TMCC2: variants seen among roughly 807,000 people sequenced by gnomAD.
TMCC2 encodes transmembrane and coiled-coil domains protein 2.
Under a neutral mutation model 49.4 loss-of-function variants are expected in TMCC2, and 16 were observed. The observed-to-expected ratio is 0.32, with a 90% CI of 0.22 to 0.49. The LOEUF (loss-of-function observed/expected upper bound fraction) is 0.49. TMCC2 is among the 20% of genes least tolerant of loss of function. The pLI, the probability that TMCC2 is intolerant of heterozygous loss-of-function variation, is 0.99. For missense variants in TMCC2, 762 were observed against 989.8 expected, an observed-to-expected ratio of 0.77 and a Z score of 3.09; for synonymous variants, 397 against 434.1, an observed-to-expected ratio of 0.91 and a Z score of 1.06.
In TMCC2 at chr1:205,264,666, ATTGT is replaced by A. The variant is rs1395376540; in HGVS notation, c.748-4282_748-4279del. On this transcript the variant is annotated intron_variant, in intron 2 of 4. Transcript: ENST00000358024. The surrounding 1 kb of genome is among the most constrained non-coding windows in gnomAD (Gnocchi z 4.2). ...CATCCCACACCCAGCTAATTTTTGT[ATTGT>A]TAGTAGAGACAGGGTTTCACCATGT... is the stretch of plus-strand genomic sequence containing the variant. Among the ~76,000 whole-genome samples the A allele has an allele frequency of 6.6e-6, 1 of 151,804 alleles. No individual in the cohort carries two copies. Among genetic ancestry groups the A allele is most frequent in the East Asian group, 1.9e-4 (1 of 5,162 alleles).
Position 205,271,920 on chromosome 1 carries a change from G to A in TMCC2, c.1926G>A (p.Leu642=), listed in dbSNP as rs376184025. The change falls in exon 5 of 5, where the codon CTG becomes CTA. Residue 642 remains leucine (L), a synonymous_variant. Transcript: ENST00000358024. ...TGGAGAATGCCAACGCGCGGGCGCT[G>A]CTGGGCAAGTTCATCAACGTGATCC... is the stretch of plus-strand genomic sequence containing the variant. The part of the protein sequence containing the change: ...EGVENANARA[L]LGKFINVILA... 5 of 1,614,212 alleles carry A rather than the reference G, an allele frequency of 3.1e-6. No homozygotes were observed. Among genetic ancestry groups the A allele is most frequent in the Non-Finnish European group, 3.4e-6 (4 of 1,180,040 alleles).
intron 1 of TMCC2, chr1:205,230,053 G>A: frequency 1.0e-6 from 1 of 985,438 alleles, no homozygotes; most frequent in South Asian, 4.7e-5. Flanking sequence ...AAAGGACTCT[G>A]TTGCATTTAA....
chr1:205,257,047 C>A, intron 2 of TMCC2: 1 of 621,376 alleles, frequency 1.6e-6, no homozygotes, highest in Non-Finnish European at 2.2e-6. Flanking sequence ...AACAGCTGGA[C>A]TTGTGGAGGG....
At chr1:205,259,294 G>T (rs1487832107) in intron 2 of TMCC2, among the ~76,000 whole-genome samples, 1 of 99,658 alleles carries the variant, frequency 1.0e-5, no homozygotes, top group Non-Finnish European at 2.2e-5. Flanking sequence ...AGCCTGCTGT[G>T]GGGACCCTAA....
chr1:205,240,402 A>G (rs1078362), intron 1 of TMCC2, among the ~76,000 whole-genome samples: 72,773 of 152,172 alleles, frequency 0.48, 20,090 homozygotes, highest in Non-Finnish European at 0.61. Context: ...TATGCTTTGG[A>G]TCTAAGGGGA....
chr1:205,233,973 T>A (rs1659919358), intron 1 of TMCC2: 1 of 152,084 alleles, frequency 6.6e-6, no homozygotes, highest in African/African-American at 2.4e-5. Context: ...TGAAGATATG[T>A]ACGTTCCCTG....
intron 1 of TMCC2, among the ~76,000 whole-genome samples, chr1:205,234,740 G>C (rs956457264): frequency 6.6e-6 from 1 of 151,684 alleles, no homozygotes; most frequent in African/African-American, 2.4e-5. Flanking sequence ...GCTCACTGCA[G>C]CTTCTGCCTC....
chr1:205,266,108 G>A (rs1490066200), intron 2 of TMCC2, among the ~76,000 whole-genome samples: 1 of 151,198 alleles, frequency 6.6e-6, no homozygotes, highest in Non-Finnish European at 1.5e-5. Flanking sequence ...GGGCATGGTG[G>A]CAGGCGCCTG....
At position 205,272,109 on chromosome 1, in the gene TMCC2, G is replaced by A. The variant is rs967423501; in HGVS notation, c.2115G>A (p.Val705=). 2 of 1,612,356 alleles carry A rather than the reference G, an allele frequency of 1.2e-6. No individual in the cohort carries two copies. The highest frequency in any genetic ancestry group is 2.7e-5 in the African/African-American group (2 of 75,018). Residue 705 remains valine, a synonymous_variant, in exon 5 of 5, where the codon GTG becomes GTA. Coordinates refer to ENST00000358024, the MANE Select transcript of TMCC2 (RefSeq NM_014858.4). ...WDSLTYLLEH[V]LLPS ...CCCTCACCTACCTCCTGGAGCACGT[G>A]TTGCTGCCCAGCTGAGTGGCCAGCC...
rs751531683 is a variant in TMCC2, at chr1:205,241,518, T to C, written c.221T>C (p.Leu74Pro). The C allele has an allele frequency of 1.6e-5, 26 of 1,613,456 alleles. No individual in the cohort carries two copies. In the Admixed American group the frequency reaches 4.3e-4, roughly 27 times the overall value. Residue 74 changes from leucine (L) to proline (P), a missense_variant, in exon 2 of 5, where the codon CTG (leucine) becomes CCG (proline). Physicochemically the swap from Leu to Pro is moderately conservative, Grantham distance 98. Coordinates refer to ENST00000358024, the MANE Select transcript of TMCC2 (RefSeq NM_014858.4). The surrounding 1 kb of genome is among the most constrained non-coding windows in gnomAD (Gnocchi z 7.3). The part of the protein sequence containing the change: ...KPPDLKKIQQ[L>P]SEGSMFGHGL... ...CTCCCCCTTAAGAAAATCCAGCAGC[T>C]GTCAGAGGGCTCCATGTTTGGCCAC...
At chr1:205,256,246 G>T in intron 2 of TMCC2, 1 of 1,524,602 alleles carries the variant, frequency 6.6e-7, no homozygotes, top group South Asian at 1.2e-5. Context: ...GTTCTGCTGT[G>T]AGAAGCTGCC....
At chr1:205,232,962 A>G (rs1305324733) in intron 1 of TMCC2, among the ~76,000 whole-genome samples, 1 of 99,124 alleles carries the variant, frequency 1.0e-5, no homozygotes, top group South Asian at 3.8e-4. Flanking sequence ...AAAAAAAAAC[A>G]CAAAAAAACA....
intron 2 of TMCC2, among the ~76,000 whole-genome samples, chr1:205,259,460 A>G (rs894845531): frequency 7.9e-5 from 12 of 152,190 alleles, no homozygotes; most frequent in Non-Finnish European, 1.2e-4. Flanking sequence ...TGCTTAATGC[A>G]TTTACATTAT....
At position 205,241,946 on chromosome 1, in the gene TMCC2, C is replaced by T. The variant is rs577335793; in HGVS notation, c.649C>T (p.Arg217Cys). 3.7e-6 allele frequency: 6 copies of T among 1,611,494 alleles called. No individual in the cohort carries two copies. Among genetic ancestry groups the T allele is most frequent in the South Asian group, 2.2e-5 (2 of 90,914 alleles). Residue 217 changes from arginine (R) to cysteine (C), a missense_variant, in exon 2 of 5, where the codon CGT becomes TGT. By Grantham distance (180) the Arg-to-Cys change is radical. This residue lies in a region of TMCC2 where 322 missense variants were observed against 353.1 expected (regional missense o/e 0.91). Transcript: ENST00000358024. The surrounding 1 kb of genome is among the most constrained non-coding windows in gnomAD (Gnocchi z 7.3). ...CGCCATCCTGCACCAGCACCAGTGCCGTCCCCGCTCTTCCTCCACCACCGA... is the reference window on the plus strand; with the variant it reads ...CGCCATCCTGCACCAGCACCAGTGCTGTCCCCGCTCTTCCTCCACCACCGA... ...LAAILHQHQC[R>C]PRSSSTTDTA...
At chr1:205,239,394 G>GAC (rs1574835337) in intron 1 of TMCC2, among the ~76,000 whole-genome samples, 1 of 152,142 alleles carries the variant, frequency 6.6e-6, no homozygotes, top group South Asian at 2.1e-4. Flanking sequence ...TGGCAGAGTT[G>GAC]ACATCTTGGT....
rs1395277073 is a variant in TMCC2, at chr1:205,256,137, C to T, written c.748-12813C>T. On this transcript the variant is annotated intron_variant, in intron 2 of 4. Transcript: ENST00000358024. Reference sequence around the variant, plus strand: ...TCTTCACACCTTCTTGAATTTGGGACTACCCAATCAACGTGACGCGTGTCG... The same window carrying T: ...TCTTCACACCTTCTTGAATTTGGGATTACCCAATCAACGTGACGCGTGTCG... 3 of 1,275,508 alleles carry T rather than the reference C, an allele frequency of 2.4e-6. No individual in the cohort carries two copies. In the Admixed American group the frequency reaches 8.6e-5, roughly 37 times the overall value. 79.0% of individuals were successfully genotyped at this position (1,275,508 alleles called of 1,614,324 possible).
intron 2 of TMCC2, among the ~76,000 whole-genome samples, chr1:205,266,428 TA>T (rs1275682700): frequency 6.6e-6 from 1 of 150,724 alleles, no homozygotes; most frequent in Non-Finnish European, 1.5e-5. Context: ...CCATTTCTAC[TA>T]AAAATACAAA....
rs577473395 is a variant in TMCC2 at position 205,242,518 on chromosome 1, A to G, written c.747+474A>G. The stretch of plus-strand genomic sequence containing the variant: ...AGCCTGGCATAGTATCATCTTTACT[A>G]TTGGCACCAACCAAAGAAGATAGGG... On this transcript the variant is annotated intron_variant, in intron 2 of 4. Coordinates refer to ENST00000358024, the MANE Select transcript of TMCC2 (RefSeq NM_014858.4). Among the ~76,000 whole-genome samples the G allele has an allele frequency of 1.2e-4, 18 of 152,338 alleles. No individual in the cohort carries two copies. The South Asian group carries it at 1.5e-3, about 12-fold the overall frequency.
intron 2 of TMCC2, among the ~76,000 whole-genome samples, chr1:205,267,417 A>G (rs1199138549): frequency 6.6e-6 from 1 of 151,966 alleles, no homozygotes; most frequent in Non-Finnish European, 1.5e-5. Context: ...TCCCCCACAT[A>G]TATCTGACCA....
Sources: gnomAD v4.1 joint callset for allele counts (sites outside exome capture counted in the v4.1 genomes callset) on GRCh38, gnomAD v4.1.1 for gene constraint, gnomAD v4.1.1 regional missense constraint, Gnocchi (gnomAD v3.1) non-coding constraint, MANE v1.5 for transcripts, NCBI Gene and HGNC (gene_info 2026-07-23, HGNC 2026-07-21) for gene names.